Variants in ARMH1 observed in about 807,000 individuals in gnomAD.
The protein encoded by ARMH1 is armadillo-like helical domain containing protein 1.
In ARMH1, 34 loss-of-function variants were observed where a neutral mutation model predicts 50.2. The ratio of observed to expected loss-of-function variants is 0.68; its 90% CI spans 0.51 to 0.90. The LOEUF is 0.90. ARMH1 is among the 40% of genes least tolerant of loss of function. The probability of loss-of-function intolerance (pLI) is 0.00; values close to 1 mark genes in which losing one functional copy is unlikely to be tolerated. For missense variants in ARMH1, 538 were observed against 553.9 expected, an observed-to-expected ratio of 0.97 and a Z score of 0.29; for synonymous variants, 221 against 224.2, an observed-to-expected ratio of 0.99 and a Z score of 0.13.
Position 44,698,157 on chromosome 1 carries a change from G to A in ARMH1, c.370G>A (p.Glu124Lys). 1 of 1,552,388 alleles carries A rather than the reference G, an allele frequency of 6.4e-7. No homozygotes were observed. The highest frequency in any genetic ancestry group is 1.4e-5 in the African/African-American group (1 of 73,166). ...LEKIKEEAKK[E>K]SVKLLQVIAN... ...GAAGATCAAGGAGGAGGCCAAGAAG[G>A]AATCTGTCAAACTACTTCAGGTTAT... The change falls in exon 4 of 12, where the codon GAA becomes AAA. Residue 124 changes from glutamate to lysine, a missense_variant. By Grantham distance (56) the Glu-to-Lys change is moderately conservative. Transcript: ENST00000535358.
intron 2 of ARMH1, among the ~76,000 whole-genome samples, chr1:44,691,224 C>T (rs1645649793): frequency 6.6e-6 from 1 of 151,994 alleles, no homozygotes. Flanking sequence ...CGCCATTGTA[C>T]TCCAGCCTGG....
At chr1:44,721,274 T>C (rs1342826076) in intron 6 of ARMH1, among the ~76,000 whole-genome samples, 1 of 151,962 alleles carries the variant, frequency 6.6e-6, no homozygotes, top group Non-Finnish European at 1.5e-5. Context: ...TAGTCCAGAA[T>C]TGTTTGTGTC....
chr1:44,704,064 C>G, intron 5 of ARMH1, 25 bp from the exon 6 acceptor site: 2 of 1,536,834 alleles, frequency 1.3e-6, no homozygotes, highest in South Asian at 2.4e-5. Flanking sequence ...GACTAACCAC[C>G]TTGTCCTGTT....
chr1:44,684,945 A>G (rs748157033), intron 1 of ARMH1, among the ~76,000 whole-genome samples: 2 of 152,100 alleles, frequency 1.3e-5, no homozygotes, highest in African/African-American at 4.8e-5. Flanking sequence ...GGTGTCTGTA[A>G]TAGCACCCCT....
chr1:44,725,265 C>G (rs768608931), intron 11 of ARMH1, 26 bp from the exon 12 acceptor site: 1 of 1,551,810 alleles, frequency 6.4e-7, no homozygotes, highest in Admixed American at 2.0e-5. Flanking sequence ...CCAGCACAGC[C>G]TCACGCCCGC....
intron 5 of ARMH1, among the ~76,000 whole-genome samples, chr1:44,702,644 G>A (rs1456533646): frequency 4.0e-5 from 6 of 149,852 alleles, no homozygotes; most frequent in African/African-American, 9.9e-5. Flanking sequence ...TCCAGGAGGC[G>A]GAGGTTGCAG....
intron 6 of ARMH1, among the ~76,000 whole-genome samples, 156 bp downstream of exon 6, chr1:44,704,329 G>A (rs574861570): frequency 1.1e-3 from 164 of 152,228 alleles, no homozygotes; most frequent in Non-Finnish European, 1.8e-3. Context: ...TCACACCTAT[G>A]CCTTGCGTCA....
intron 4 of ARMH1, among the ~76,000 whole-genome samples, chr1:44,699,608 C>CTAA: frequency 6.6e-6 from 1 of 151,886 alleles, no homozygotes; most frequent in Non-Finnish European, 1.5e-5. Context: ...CGCCACCATG[C>CTAA]CTGGCTAATT....
At chr1:44,712,234 G>A (rs1301754738) in intron 6 of ARMH1, among the ~76,000 whole-genome samples, 9 of 152,082 alleles carry the variant, frequency 5.9e-5, no homozygotes, top group African/African-American at 1.9e-4. Flanking sequence ...CAAGGCGGGC[G>A]GATCACCTGA....
intron 1 of ARMH1, among the ~76,000 whole-genome samples, chr1:44,686,220 A>G (rs1318337020): frequency 6.6e-6 from 1 of 152,256 alleles, no homozygotes; most frequent in Admixed American, 6.5e-5. Flanking sequence ...ACATTTGGAA[A>G]AATAATCACT....
In ARMH1 at chr1:44,697,804, TC is replaced by T. The variant is rs1573356934; in HGVS notation, c.276-255del. On this transcript the variant is annotated intron_variant, in intron 3 of 11. Coordinates refer to ENST00000535358, the MANE Select transcript of ARMH1 (RefSeq NM_001145636.2). ...GGCCCATGAGTGGCAGAGGGGTGAT[TC>T]CCCAAGTGACAGTTGAGGTGGTATT... 5.3e-5 allele frequency among the ~76,000 whole-genome samples: 8 copies of T among 152,148 alleles called. No homozygotes were observed. The South Asian group carries it at 1.4e-3, about 28-fold the overall frequency.
In ARMH1 at chr1:44,681,040, G is replaced by A. The variant is rs988278998; in HGVS notation, c.-23+6167G>A. On this transcript the variant is annotated intron_variant, in intron 1 of 11. Coordinates refer to ENST00000535358, the MANE Select transcript of ARMH1 (RefSeq NM_001145636.2). The surrounding 1 kb of genome is among the most constrained non-coding windows in gnomAD (Gnocchi z 4.3). ...GACGGAGTCTCGCTCTGTCACCCAGGCTGGAGTGTAGTGGCGTGATCTCGG... is the reference window on the plus strand; with the variant it reads ...GACGGAGTCTCGCTCTGTCACCCAGACTGGAGTGTAGTGGCGTGATCTCGG... Among the ~76,000 whole-genome samples the A allele has an allele frequency of 6.7e-6, 1 of 149,650 alleles. No individual in the cohort carries two copies. Among genetic ancestry groups the A allele is most frequent in the African/African-American group, 2.5e-5 (1 of 40,384 alleles).
chr1:44,725,481 C>A lies in ARMH1; in HGVS notation c.*78C>A. On this transcript the variant is annotated 3_prime_UTR_variant, in exon 12 of 12. Transcript: ENST00000535358. ...CAAGAGGAAGGCGCCTGGGGTCAAG[C>A]TCAGAGCCACTCCACTTGGCTCCAG... The A allele has an allele frequency of 1.4e-6, 2 of 1,384,944 alleles. No homozygotes were observed. The highest frequency in any genetic ancestry group is 1.0e-6 in the Non-Finnish European group (1 of 999,786). 85.8% of individuals were successfully genotyped at this position (1,384,944 alleles called of 1,614,324 possible). A position where few individuals can be genotyped will look rare whatever the true frequency, so the allele number is the denominator to read the frequency against.
At chr1:44,687,012 A>T (rs192555407) in intron 1 of ARMH1, among the ~76,000 whole-genome samples, 58 of 152,320 alleles carry the variant, frequency 3.8e-4, no homozygotes, top group Middle Eastern at 6.8e-3. Flanking sequence ...TAAATACATA[A>T]ATATTGCCTA....
At position 44,700,791 on chromosome 1, in the gene ARMH1, C is replaced by T. The variant is rs1036551863; in HGVS notation, c.443-132C>T. 8.8e-6 allele frequency: 6 copies of T among 684,068 alleles called. No homozygotes were observed. In the African/African-American group the frequency reaches 1.1e-4, roughly 12 times the overall value. 42.4% of individuals were successfully genotyped at this position (684,068 alleles called of 1,614,324 possible). ...CAAGACAGTGATGCAACATGAGAAC[C>T]AGGCCTCAATTTTGCTTTGGTTGAA... On this transcript the variant is annotated intron_variant, in intron 4 of 11. Coordinates refer to ENST00000535358, the MANE Select transcript of ARMH1 (RefSeq NM_001145636.2).
At chr1:44,691,832 G>A (rs1282446660) in intron 2 of ARMH1, among the ~76,000 whole-genome samples, 1 of 152,186 alleles carries the variant, frequency 6.6e-6, no homozygotes. Context: ...GTGCCATTAT[G>A]TGGAAGAGAA....
chr1:44,721,865 G>C (rs537204686), intron 6 of ARMH1: 4 of 152,146 alleles, frequency 2.6e-5, no homozygotes, highest in Non-Finnish European at 4.4e-5. Flanking sequence ...TTAGTAAAAG[G>C]CGAAAGATTT....
In ARMH1 at chr1:44,681,676, G is replaced by C. The variant is rs1185720602; in HGVS notation, c.-23+6803G>C. Reference sequence around the variant, plus strand: ...GAGAGGAGAAGGATGGATGTGGATAGAGATGAAGAAAGAAGAGGAGTATGA... The same window carrying C: ...GAGAGGAGAAGGATGGATGTGGATACAGATGAAGAAAGAAGAGGAGTATGA... On this transcript the variant is annotated intron_variant, in intron 1 of 11. Transcript: ENST00000535358. The surrounding 1 kb of genome is among the most constrained non-coding windows in gnomAD (Gnocchi z 4.3). Among the ~76,000 whole-genome samples, 3 of 152,114 alleles carry C rather than the reference G, an allele frequency of 2.0e-5. No homozygotes were observed. Among genetic ancestry groups the C allele is most frequent in the African/African-American group, 7.2e-5 (3 of 41,416 alleles).
At chr1:44,706,560 T>C (rs1261668512) in intron 6 of ARMH1, among the ~76,000 whole-genome samples, 1 of 152,182 alleles carries the variant, frequency 6.6e-6, no homozygotes, top group Non-Finnish European at 1.5e-5. Context: ...AACAAAGCTC[T>C]GGAGGCCACT....
Sources: allele counts gnomAD v4.1 joint callset (sites outside exome capture counted in the v4.1 genomes callset), GRCh38; gene constraint gnomAD v4.1.1; non-coding constraint Gnocchi (gnomAD v3.1); transcripts MANE v1.5; gene names NCBI Gene and HGNC (gene_info 2026-07-23, HGNC 2026-07-21).